The following TBC1D5 variants were observed in gnomAD, a reference collection of about 807,000 sequenced individuals.
TBC1D5 encodes the protein TBC1 domain family, member 5.
TBC1D5 carries 75 observed loss-of-function variants against 100.3 expected under a neutral mutation model. That is an observed-to-expected ratio of 0.75 (90% CI 0.62 to 0.91). TBC1D5 has a LOEUF of 0.91. Ranked by LOEUF, TBC1D5 falls within the 40% of genes least tolerant of loss-of-function variation. The pLI is 0.00. For missense variants in TBC1D5, 910 were observed against 942.4 expected, an observed-to-expected ratio of 0.97 and a Z score of 0.45; for synonymous variants, 323 against 325.6, an observed-to-expected ratio of 0.99 and a Z score of 0.09.
intron 13 of TBC1D5, among the ~76,000 whole-genome samples, chr3:17,308,423 G>GA (rs1334649764): frequency 6.6e-6 from 1 of 151,978 alleles, no homozygotes; most frequent in Non-Finnish European, 1.5e-5. Flanking sequence ...AAAAGGTGAA[G>GA]AAAAAATGAA....
chr3:17,657,681 T>A lies in TBC1D5; in HGVS notation c.-100-33768A>T, dbSNP rs561885956. 1.7e-4 allele frequency among the ~76,000 whole-genome samples: 26 copies of A among 152,272 alleles called. 1 individual carries two copies. The South Asian group carries it at 5.4e-3, about 32-fold the overall frequency. ...GCATCAATATAGTCAATCAGGAAAG[T>A]GGCCAAGGCTTCCAAGTCCATTAGT... On this transcript the variant is annotated intron_variant, in intron 1 of 21. Transcript: ENST00000253692.
intron 17 of TBC1D5, among the ~76,000 whole-genome samples, chr3:17,224,880 T>G (rs1476817590): frequency 6.6e-6 from 1 of 152,178 alleles, no homozygotes; most frequent in East Asian, 1.9e-4. Flanking sequence ...TCAAAACTTA[T>G]CTGTGAACTA....
rs1368622383 is a variant in TBC1D5 at position 17,291,851 on chromosome 3, T to C, written c.1245+44A>G. On this transcript the variant is annotated intron_variant, in intron 15 of 21. Transcript: ENST00000253692. Reference sequence around the variant, plus strand: ...AGACTCTACACAGAGAAGCCTATTTTTCACCCAACTTAAAATTATGCATAC... The same window carrying C: ...AGACTCTACACAGAGAAGCCTATTTCTCACCCAACTTAAAATTATGCATAC... 5 of 1,552,450 alleles carry C rather than the reference T, an allele frequency of 3.2e-6. No homozygotes were observed. In the Admixed American group the frequency reaches 9.0e-5, roughly 28 times the overall value.
At chr3:17,418,325 T>G (rs1023359701) in intron 4 of TBC1D5, among the ~76,000 whole-genome samples, 94 of 152,146 alleles carry the variant, frequency 6.2e-4, no homozygotes, top group African/African-American at 2.2e-3. Context: ...ATATCAAACA[T>G]CGCTGGGTGC....
chr3:17,341,486 G>A (rs1474879913), intron 13 of TBC1D5, among the ~76,000 whole-genome samples: 3 of 152,112 alleles, frequency 2.0e-5, no homozygotes, highest in African/African-American at 4.8e-5. Context: ...GTGAGGTACC[G>A]CGCCTGGCCT....
Position 17,731,962 on chromosome 3 carries a change from T to C in TBC1D5, c.-101+7381A>G, listed in dbSNP as rs567894946. On this transcript the variant is annotated intron_variant, in intron 1 of 21. Coordinates refer to ENST00000253692, the Ensembl canonical transcript of TBC1D5. ...GCCATTAAGAAGTGGAGTTATCCAGTAGGCAATCAGATACACAGATCTGAA... is the reference window on the plus strand; with the variant it reads ...GCCATTAAGAAGTGGAGTTATCCAGCAGGCAATCAGATACACAGATCTGAA... Among the ~76,000 whole-genome samples the C allele has an allele frequency of 7.2e-5, 11 of 152,268 alleles. No homozygotes were observed. The South Asian group carries it at 2.3e-3, about 32-fold the overall frequency.
chr3:17,440,653 G>A (rs1386139992), intron 3 of TBC1D5, among the ~76,000 whole-genome samples: 1 of 151,832 alleles, frequency 6.6e-6, no homozygotes, highest in Non-Finnish European at 1.5e-5. Flanking sequence ...GTTTTGTTTT[G>A]TTTTTTGAGG....
intron 2 of TBC1D5, among the ~76,000 whole-genome samples, chr3:17,570,446 A>C (rs1008257166): frequency 6.6e-6 from 1 of 151,972 alleles, no homozygotes; most frequent in Non-Finnish European, 1.5e-5. Context: ...CTAACTAGAA[A>C]ACCTGTTTAT....
chr3:17,450,926 AT>A (rs1251795221), intron 3 of TBC1D5, among the ~76,000 whole-genome samples: 1 of 152,202 alleles, frequency 6.6e-6, no homozygotes, highest in African/African-American at 2.4e-5. Flanking sequence ...CCCAAGACAC[AT>A]AATCGTCAGA....
chr3:17,555,147 C>G (rs9941993), intron 2 of TBC1D5, among the ~76,000 whole-genome samples: 7,779 of 152,116 alleles, frequency 0.051, 635 homozygotes, highest in African/African-American at 0.17. Context: ...TTGCGCCAGG[C>G]CTTGTGCTTT....
intron 2 of TBC1D5, among the ~76,000 whole-genome samples, chr3:17,520,581 C>T (rs1447545861): frequency 6.6e-6 from 1 of 151,964 alleles, no homozygotes; most frequent in Non-Finnish European, 1.5e-5. Context: ...ACCATGGGAA[C>T]AGGAAAACAA....
At chr3:17,213,638 C>T (rs1181689304) in intron 18 of TBC1D5, among the ~76,000 whole-genome samples, 1 of 147,546 alleles carries the variant, frequency 6.8e-6, no homozygotes, top group Non-Finnish European at 1.5e-5. Context: ...TGGTGGCACA[C>T]ACCTGTAATC....
At chr3:17,530,903 A>G (rs1301277389) in intron 2 of TBC1D5, among the ~76,000 whole-genome samples, 2 of 152,190 alleles carry the variant, frequency 1.3e-5, no homozygotes, top group Non-Finnish European at 2.9e-5. Context: ...AACTGGAAGC[A>G]TTCCCTTTGA....
intron 3 of TBC1D5, among the ~76,000 whole-genome samples, chr3:17,463,552 G>T (rs898772747): frequency 6.6e-6 from 1 of 152,136 alleles, no homozygotes; most frequent in Admixed American, 6.5e-5. Context: ...TTAAGGGGGT[G>T]CTCAAAACTA....
intron 2 of TBC1D5, among the ~76,000 whole-genome samples, chr3:17,529,254 T>TA (rs1383216440): frequency 2.6e-5 from 4 of 152,210 alleles, no homozygotes; most frequent in African/African-American, 9.7e-5. Context: ...CTAACCACAC[T>TA]ATCTGTAAAC....
intron 18 of TBC1D5, among the ~76,000 whole-genome samples, chr3:17,211,725 T>A (rs1008934528): frequency 2.0e-5 from 3 of 152,246 alleles, no homozygotes; most frequent in Admixed American, 2.0e-4. Flanking sequence ...AATATTTTTA[T>A]TGCTACTGTT....
chr3:17,349,286 T>G (rs1267683846), intron 13 of TBC1D5, among the ~76,000 whole-genome samples: 1 of 152,172 alleles, frequency 6.6e-6, no homozygotes, highest in African/African-American at 2.4e-5. Context: ...TCTAACACTT[T>G]CTGGTTAAGT....
At chr3:17,485,784 T>C in intron 3 of TBC1D5, among the ~76,000 whole-genome samples, 1 of 151,786 alleles carries the variant, frequency 6.6e-6, no homozygotes, top group Admixed American at 6.6e-5. Flanking sequence ...CTATTGTGAA[T>C]AGTGCCGCAA....
chr3:17,725,533 T>C (rs536494549), intron 1 of TBC1D5, among the ~76,000 whole-genome samples: 1 of 152,086 alleles, frequency 6.6e-6, no homozygotes, highest in Non-Finnish European at 1.5e-5. Flanking sequence ...AATTTCTTAT[T>C]AGACTCCCCA....
Sources: gnomAD v4.1 joint callset for allele counts (sites outside exome capture counted in the v4.1 genomes callset) on GRCh38, gnomAD v4.1.1 for gene constraint, MANE v1.5 for transcripts, NCBI Gene and HGNC (gene_info 2026-07-23, HGNC 2026-07-21) for gene names.